PTTG1IP: variants seen among roughly 807,000 people sequenced by gnomAD.
PTTG1IP encodes the protein PTTG1 interacting protein.
PTTG1IP carries 16 observed loss-of-function variants against 24.4 expected under a neutral mutation model. The ratio of observed to expected loss-of-function variants is 0.66; its 90% CI spans 0.44 to 1.00. The LOEUF is 1.00. PTTG1IP is among the 50% of genes least tolerant of loss of function. The pLI is 0.00. For missense variants in PTTG1IP, 241 were observed against 245.8 expected (o/e 0.98, Z 0.13); for synonymous variants, 89 against 96.8 (o/e 0.92, Z 0.47).
chr21:44,861,712 A>C (rs1412501380), intron 2 of PTTG1IP: 1 of 713,818 alleles, frequency 1.4e-6, no homozygotes, highest in Non-Finnish European at 2.6e-6. Context: ...AGCCGCCTCC[A>C]CCCCCTCCTC....
At chr21:44,856,527 C>T (rs2083451132) in intron 3 of PTTG1IP, among the ~76,000 whole-genome samples, 163 bp from the exon 4 acceptor site, 3 of 152,218 alleles carry the variant, frequency 2.0e-5, no homozygotes, top group South Asian at 4.1e-4. Context: ...GAGCCTGTGG[C>T]CCTGCCTCCA....
chr21:44,853,802 A>G (rs1478347676), intron 5 of PTTG1IP, among the ~76,000 whole-genome samples: 1 of 152,230 alleles, frequency 6.6e-6, no homozygotes, highest in Non-Finnish European at 1.5e-5. Context: ...GCCCAAGCAC[A>G]CGGCACTCAG....
intron 2 of PTTG1IP, 86 bp downstream of exon 2, chr21:44,865,309 C>G: frequency 1.5e-6 from 2 of 1,369,084 alleles, no homozygotes; most frequent in Non-Finnish European, 2.1e-6. Flanking sequence ...TCCACACATC[C>G]CAGCGAATCC....
At chr21:44,853,278 C>T (rs1056173120) in intron 5 of PTTG1IP, among the ~76,000 whole-genome samples, 18 of 152,108 alleles carry the variant, frequency 1.2e-4, no homozygotes, top group East Asian at 1.9e-4. Flanking sequence ...GAGGCCGAGG[C>T]GGGCGGATCA....
chr21:44,868,843 C>G (rs1352914546), intron 1 of PTTG1IP, among the ~76,000 whole-genome samples: 1 of 152,156 alleles, frequency 6.6e-6, no homozygotes, highest in East Asian at 1.9e-4. Context: ...CCCGAAGATG[C>G]CAAGACCACT....
At chr21:44,861,386 C>T (rs1192580464) in intron 2 of PTTG1IP, 115 bp from the exon 3 acceptor site, 6 of 841,296 alleles carry the variant, frequency 7.1e-6, no homozygotes, top group South Asian at 5.1e-5. Flanking sequence ...GCTGTAAAGG[C>T]TCAACCTCCC....
At chr21:44,855,338 A>G (rs2083441278) in intron 4 of PTTG1IP, 82 bp from the exon 5 acceptor site, 2 of 1,438,074 alleles carry the variant, frequency 1.4e-6, no homozygotes, top group Admixed American at 3.4e-5. Context: ...CGTGTCCCTC[A>G]GTGGGGGCGC....
At chr21:44,856,405 C>T (rs1453202688) in intron 3 of PTTG1IP, 41 bp from the exon 4 acceptor site, 6 of 1,576,296 alleles carry the variant, frequency 3.8e-6, no homozygotes, top group Non-Finnish European at 5.2e-6. Context: ...GCCCCAGACA[C>T]AGAACCCACC....
At chr21:44,865,724 A>C (rs145894430) in intron 1 of PTTG1IP, 5 of 556,612 alleles carry the variant, frequency 9.0e-6, no homozygotes, top group Non-Finnish European at 1.6e-5. Context: ...GAAGAGTGCC[A>C]ACACAGAAGG....
At position 44,850,897 on chromosome 21, in the gene PTTG1IP, G is replaced by A. The variant is rs1030011205; in HGVS notation, c.*684C>T. ...ACAAATTTTAAAAATTGTCCAAAAA[G>A]GGCCTGAATTTTTATATGAAGGTTT... On this transcript the variant is annotated 3_prime_UTR_variant, in exon 6 of 6. Coordinates refer to ENST00000330938, the MANE Select transcript of PTTG1IP (RefSeq NM_004339.4). The A allele has an allele frequency of 2.0e-5, 3 of 153,114 alleles. No individual in the cohort carries two copies. The highest frequency in any genetic ancestry group is 7.2e-5 in the African/African-American group (3 of 41,488). The allele number at this position is 153,114 out of a possible 1,614,324, so 9.5% of individuals were successfully genotyped here.
chr21:44,869,368 G>A (rs1030754398), intron 1 of PTTG1IP, among the ~76,000 whole-genome samples: 1 of 152,230 alleles, frequency 6.6e-6, no homozygotes, highest in South Asian at 2.1e-4. Context: ...AGACTCTGAA[G>A]AATGTAGAGA....
chr21:44,864,345 C>T (rs1024631827), intron 2 of PTTG1IP, among the ~76,000 whole-genome samples: 3 of 152,256 alleles, frequency 2.0e-5, no homozygotes, highest in East Asian at 1.9e-4. Context: ...CTGGCCCAGG[C>T]GCAGGCCACC....
intron 1 of PTTG1IP, among the ~76,000 whole-genome samples, chr21:44,871,758 G>A (rs2083587957): frequency 6.6e-6 from 1 of 152,168 alleles, no homozygotes; most frequent in Non-Finnish European, 1.5e-5. Flanking sequence ...GGGGCACGCA[G>A]ACACCAAAGG....
intron 3 of PTTG1IP, among the ~76,000 whole-genome samples, chr21:44,857,281 C>T (rs1486506263): frequency 1.3e-5 from 2 of 152,164 alleles, no homozygotes; most frequent in Non-Finnish European, 2.9e-5. Context: ...GTTCAACACC[C>T]GCCCAGCCAA....
chr21:44,861,643 C>A, intron 2 of PTTG1IP: 1 of 703,434 alleles, frequency 1.4e-6, no homozygotes, highest in Non-Finnish European at 2.6e-6. Context: ...CTCCCCACAT[C>A]TGTGTGGCTC....
At position 44,861,271 on chromosome 21, in the gene PTTG1IP, A is replaced by G. The variant is rs749467135; in HGVS notation, c.169T>C (p.Cys57Arg). The change falls in exon 3 of 6, where the codon TGT (cysteine) becomes CGT (arginine). Residue 57 changes from cysteine (C) to arginine (R), a missense_variant and splice_region_variant. Physicochemically the swap from Cys to Arg is radical, Grantham distance 180. Transcript: ENST00000330938. ...GCCTTGTTAGTGTTGCACCAAAGACACTGAAAGAGACCAACATTAAGCAAG... is the reference window on the plus strand; with the variant it reads ...GCCTTGTTAGTGTTGCACCAAAGACGCTGAAAGAGACCAACATTAAGCAAG... ...TCEECLKNVSCLWCNTNKACL... is the reference protein window; with the variant it reads ...TCEECLKNVSRLWCNTNKACL... The G allele has an allele frequency of 6.2e-7, 1 of 1,608,136 alleles. No individual in the cohort carries two copies. Among genetic ancestry groups the G allele is most frequent in the Non-Finnish European group, 8.5e-7 (1 of 1,175,580 alleles).
intron 3 of PTTG1IP, among the ~76,000 whole-genome samples, chr21:44,859,204 G>A (rs900758889): frequency 6.6e-6 from 1 of 152,170 alleles, no homozygotes; most frequent in African/African-American, 2.4e-5. Flanking sequence ...ATAAAGCACA[G>A]GATTTCCTCC....
chr21:44,870,026 C>G (rs2282114), intron 1 of PTTG1IP, among the ~76,000 whole-genome samples: 10,370 of 152,238 alleles, frequency 0.068, 329 homozygotes, highest in East Asian at 0.085. Flanking sequence ...GAGTCAGACC[C>G]AGACCTCTGG....
chr21:44,858,502 G>A (rs1457731308), intron 3 of PTTG1IP, among the ~76,000 whole-genome samples: 1 of 152,126 alleles, frequency 6.6e-6, no homozygotes, highest in East Asian at 1.9e-4. Context: ...GGAGGAGCAG[G>A]TGTCAGTTCC....
Sources: allele counts gnomAD v4.1 joint callset (sites outside exome capture counted in the v4.1 genomes callset), GRCh38; gene constraint gnomAD v4.1.1; transcripts MANE v1.5; gene names NCBI Gene and HGNC (gene_info 2026-07-23, HGNC 2026-07-21).